The following FAM178B variants were observed in gnomAD, a reference collection of about 807,000 sequenced individuals.
FAM178B encodes the protein protein FAM178B.
A neutral mutation model predicts 91.7 loss-of-function variants in FAM178B; 82 were observed. The observed-to-expected ratio is 0.89, with a 90% confidence interval of 0.75 to 1.07. The LOEUF (loss-of-function observed/expected upper bound fraction) is 1.07. Among genes scored for constraint, FAM178B ranks in the 50% least tolerant of loss-of-function variants. FAM178B has a pLI of 0.00. For missense variants in FAM178B, 769 were observed against 846.7 expected (o/e 0.91, Z 1.14); for synonymous variants, 368 against 359.4 (o/e 1.02, Z -0.27).
chr2:96,879,076 T>C lies in FAM178B; in HGVS notation c.1777-583A>G, dbSNP rs548423259. On this transcript the variant is annotated intron_variant, in intron 14 of 16. Transcript: ENST00000490605. ...ATCTGGCCCGAGAACAATTTGATCT[T>C]GAGGCACCCCTGGACTCTTGGTACC... is the stretch of plus-strand genomic sequence containing the variant. 5.9e-5 allele frequency among the ~76,000 whole-genome samples: 9 copies of C among 152,310 alleles called. No individual in the cohort carries two copies. In the South Asian group the frequency reaches 1.9e-3, roughly 32 times the overall value.
chr2:96,985,591 G>A (rs189335103), intron 1 of FAM178B, among the ~76,000 whole-genome samples: 11 of 152,248 alleles, frequency 7.2e-5, no homozygotes, highest in Admixed American at 3.3e-4. Flanking sequence ...AAATAATTAC[G>A]GAATCCCAAG....
chr2:96,876,070 G>C lies in FAM178B; in HGVS notation c.*206C>G. ...GAGGCAGAGAGGCCCATCCCTTGCT[G>C]AGAGGAGAGGGGGTCGGGGCGGTGG... is the stretch of plus-strand genomic sequence containing the variant. On this transcript the variant is annotated 3_prime_UTR_variant, in exon 17 of 17. Transcript: ENST00000490605. 1.7e-6 allele frequency: 1 copy of C among 591,314 alleles called. No individual in the cohort carries two copies. Among genetic ancestry groups the C allele is most frequent in the Non-Finnish European group, 3.0e-6 (1 of 332,210 alleles). 36.6% of individuals were successfully genotyped at this position (591,314 alleles called of 1,614,324 possible). A position where few individuals can be genotyped will look rare whatever the true frequency, so the allele number is the denominator to read the frequency against.
chr2:96,977,946 C>CGGGGGGGGGGGGGG, intron 1 of FAM178B: 1 of 57,840 alleles, frequency 1.7e-5, no homozygotes. Flanking sequence ...GAGGGTGGGG[C>CGGGGGGGGGGGGGG]GGGCGGGGGA....
At chr2:96,891,549 G>A (rs1450649205) in intron 14 of FAM178B, among the ~76,000 whole-genome samples, 1 of 138,944 alleles carries the variant, frequency 7.2e-6, no homozygotes, top group East Asian at 3.3e-4. Flanking sequence ...AATGTGGGAC[G>A]CAGTGCTAGA....
intron 14 of FAM178B, among the ~76,000 whole-genome samples, chr2:96,888,691 C>A (rs1448617857): frequency 6.6e-6 from 1 of 152,258 alleles, no homozygotes; most frequent in Non-Finnish European, 1.5e-5. Context: ...TGTTTGCCAA[C>A]TCTATCAACA....
At chr2:96,895,980 G>A (rs2080815214) in intron 13 of FAM178B, among the ~76,000 whole-genome samples, 1 of 152,216 alleles carries the variant, frequency 6.6e-6, no homozygotes, top group Admixed American at 6.5e-5. Flanking sequence ...GAGGGGGGAG[G>A]AAGGTTCTGG....
intron 5 of FAM178B, among the ~76,000 whole-genome samples, chr2:96,966,564 G>C (rs185142788): frequency 6.6e-6 from 1 of 152,134 alleles, no homozygotes; most frequent in Non-Finnish European, 1.5e-5. Context: ...GCAGAGCCTC[G>C]CACATAGTTG....
chr2:96,876,176 G>C lies in FAM178B; in HGVS notation c.*100C>G. ...CTTGCCTCATCAGGCTGGTCAGCAT[G>C]TGGCCTCCTCTGGCCTTGATGCTTC... On this transcript the variant is annotated 3_prime_UTR_variant, in exon 17 of 17. Transcript: ENST00000490605. 1 of 1,260,190 alleles carries C rather than the reference G, an allele frequency of 7.9e-7. No individual in the cohort carries two copies. Among genetic ancestry groups the C allele is most frequent in the South Asian group, 1.3e-5 (1 of 77,240 alleles). 78.1% of individuals were successfully genotyped at this position (1,260,190 alleles called of 1,614,324 possible). A position where few individuals can be genotyped will look rare whatever the true frequency, so the allele number is the denominator to read the frequency against.
intron 8 of FAM178B, among the ~76,000 whole-genome samples, chr2:96,943,392 T>A (rs770967632): frequency 2.0e-5 from 3 of 152,238 alleles, no homozygotes; most frequent in Admixed American, 6.5e-5. Flanking sequence ...CATTTTCTTA[T>A]CAGCGCTTTC....
rs79191548 is a variant in FAM178B, at chr2:96,967,604, C to T, written c.650G>A (p.Arg217Gln). 665 of 1,550,012 alleles carry T rather than the reference C, an allele frequency of 4.3e-4. 9 individuals are homozygous for T. The East Asian group carries it at 0.016, about 37-fold the overall frequency. The change falls in exon 5 of 17, where the codon CGA becomes CAA. Residue 217 changes from arginine to glutamine, a missense_variant. Arg to Gln is a conservative substitution (Grantham distance 43). Transcript: ENST00000490605. ...EKREQALEQERERLLLQECLN... is the reference protein window; with the variant it reads ...EKREQALEQEQERLLLQECLN... ...ACACTCCTGCAGAAGCAGCCTCTCT[C>T]GCTCCTGCTCCAGGGCCTGTTCCCT...
At chr2:96,913,465 G>A (rs2081192058) in intron 12 of FAM178B, among the ~76,000 whole-genome samples, 1 of 152,172 alleles carries the variant, frequency 6.6e-6, no homozygotes, top group Non-Finnish European at 1.5e-5. Context: ...AGTGGTAAGG[G>A]GAGAAGGAAA....
At chr2:96,917,164 A>G (rs1232530510) in intron 12 of FAM178B, among the ~76,000 whole-genome samples, 1 of 152,196 alleles carries the variant, frequency 6.6e-6, no homozygotes, top group Non-Finnish European at 1.5e-5. Flanking sequence ...CAGGGGAAGA[A>G]GCGCATTTTC....
intron 12 of FAM178B, among the ~76,000 whole-genome samples, chr2:96,920,817 T>C (rs2081324561): frequency 6.6e-6 from 1 of 150,922 alleles, no homozygotes; most frequent in African/African-American, 2.5e-5. Flanking sequence ...ATCGAGAGTG[T>C]GCGAGTGGGA....
intron 4 of FAM178B, among the ~76,000 whole-genome samples, chr2:96,968,696 C>T (rs1207199252): frequency 6.6e-6 from 1 of 151,634 alleles, no homozygotes; most frequent in Non-Finnish European, 1.5e-5. Flanking sequence ...GCTGTGAGCC[C>T]GTCCCAGGCC....
intron 1 of FAM178B, among the ~76,000 whole-genome samples, chr2:96,984,874 T>C (rs1251563036): frequency 1.3e-5 from 2 of 152,160 alleles, no homozygotes; most frequent in Non-Finnish European, 2.9e-5. Flanking sequence ...TCTCCAACTC[T>C]GGATCCTGCA....
At chr2:96,942,232 C>A (rs1184090121) in intron 8 of FAM178B, among the ~76,000 whole-genome samples, 1 of 152,144 alleles carries the variant, frequency 6.6e-6, no homozygotes, top group African/African-American at 2.4e-5. Flanking sequence ...GGAAAGACAT[C>A]CCATGTTCAT....
chr2:96,909,591 C>T (rs964641299), intron 12 of FAM178B, among the ~76,000 whole-genome samples: 3 of 152,218 alleles, frequency 2.0e-5, no homozygotes, highest in East Asian at 1.9e-4. Context: ...GTGCGACACT[C>T]GGAGTTGAGG....
chr2:96,946,857 C>T (rs912116710), intron 8 of FAM178B, among the ~76,000 whole-genome samples: 2 of 152,208 alleles, frequency 1.3e-5, no homozygotes, highest in Admixed American at 6.5e-5. Flanking sequence ...CAGAAGACCT[C>T]GCTTAGAGGG....
Position 96,876,066 on chromosome 2 carries a change from T to C in FAM178B, c.*210A>G, listed in dbSNP as rs1157287300. On this transcript the variant is annotated 3_prime_UTR_variant, in exon 17 of 17. Coordinates refer to ENST00000490605, the MANE Select transcript of FAM178B (RefSeq NM_001122646.3). The stretch of plus-strand genomic sequence containing the variant: ...GGGCGAGGCAGAGAGGCCCATCCCT[T>C]GCTGAGAGGAGAGGGGGTCGGGGCG... 3.5e-6 allele frequency: 2 copies of C among 577,230 alleles called. No individual in the cohort carries two copies. The highest frequency in any genetic ancestry group is 6.1e-6 in the Non-Finnish European group (2 of 327,220). 35.8% of individuals were successfully genotyped at this position (577,230 alleles called of 1,614,324 possible).
Sources: allele counts gnomAD v4.1 joint callset (sites outside exome capture counted in the v4.1 genomes callset), GRCh38; gene constraint gnomAD v4.1.1; transcripts MANE v1.5; gene names NCBI Gene and HGNC (gene_info 2026-07-23, HGNC 2026-07-21).